PRKCH: variants seen among roughly 807,000 people sequenced by gnomAD.
PRKCH encodes protein kinase C eta type.
A neutral mutation model predicts 82.5 loss-of-function variants in PRKCH; 28 were observed. The ratio of observed to expected loss-of-function variants is 0.34; its 90% confidence interval spans 0.25 to 0.47. The LOEUF is 0.47. Ranked by LOEUF, PRKCH falls within the 20% of genes least tolerant of loss-of-function variation. The probability of loss-of-function intolerance (pLI) is 1.00; values close to 1 mark genes in which losing one functional copy is unlikely to be tolerated. For synonymous variants in PRKCH, 322 were observed against 327.4 expected, an observed-to-expected ratio of 0.98 and a Z score of 0.18; for missense variants, 705 against 881.8, an observed-to-expected ratio of 0.80 and a Z score of 2.54.
intron 12 of PRKCH, among the ~76,000 whole-genome samples, chr14:61,539,391 G>A (rs1479459981): frequency 2.6e-5 from 4 of 152,132 alleles, no homozygotes; most frequent in South Asian, 2.1e-4. Context: ...GCCCCTGCCC[G>A]CTAGAGGAAC....
chr14:61,491,402 T>A (rs1028902266), intron 10 of PRKCH, among the ~76,000 whole-genome samples: 1 of 152,172 alleles, frequency 6.6e-6, no homozygotes, highest in African/African-American at 2.4e-5. Flanking sequence ...ATGCCAGCCA[T>A]GGGAATGCTC....
chr14:61,464,536 A>G (rs1245313797), intron 9 of PRKCH, among the ~76,000 whole-genome samples: 1 of 152,088 alleles, frequency 6.6e-6, no homozygotes, highest in Non-Finnish European at 1.5e-5. Context: ...TATTTGTCCT[A>G]ATGCTCTCCT....
At chr14:61,207,135 G>C (rs1270863697) in intron 1 of PRKCH, among the ~76,000 whole-genome samples, 1 of 70,474 alleles carries the variant, frequency 1.4e-5, no homozygotes, top group African/African-American at 5.5e-5. Context: ...AAAAAAAAAA[G>C]ATGTACTGAC....
chr14:61,460,421 A>G (rs1332488956), intron 9 of PRKCH, among the ~76,000 whole-genome samples: 1 of 152,204 alleles, frequency 6.6e-6, no homozygotes, highest in Non-Finnish European at 1.5e-5. Flanking sequence ...GCTTGGTCAA[A>G]GGGTATATGC....
chr14:61,474,988 A>G (rs1885667613), intron 9 of PRKCH, among the ~76,000 whole-genome samples: 2 of 152,348 alleles, frequency 1.3e-5, no homozygotes, highest in South Asian at 4.1e-4. Context: ...TACTTCTCTA[A>G]CTGGGCAAAG....
chr14:61,203,131 T>C (rs1224406348), intron 1 of PRKCH, among the ~76,000 whole-genome samples: 3 of 152,112 alleles, frequency 2.0e-5, no homozygotes, highest in Non-Finnish European at 4.4e-5. Flanking sequence ...ACCTGTTCCT[T>C]CAGTTACTGA....
intron 1 of PRKCH, among the ~76,000 whole-genome samples, chr14:61,216,562 T>A (rs1166842805): frequency 2.0e-5 from 3 of 152,120 alleles, no homozygotes; most frequent in African/African-American, 7.2e-5. Context: ...AGGACAGAGA[T>A]GTTTGCAGAA....
chr14:61,362,707 G>A (rs139531735), intron 1 of PRKCH, among the ~76,000 whole-genome samples: 183 of 152,320 alleles, frequency 1.2e-3, no homozygotes, highest in African/African-American at 4.1e-3. Flanking sequence ...TATTGCTCAG[G>A]CCAGCACTCC....
intron 1 of PRKCH, among the ~76,000 whole-genome samples, chr14:61,295,263 GA>G (rs1045537892): frequency 1.3e-3 from 205 of 152,254 alleles, no homozygotes; most frequent in African/African-American, 4.7e-3. Context: ...AAATTCAAAA[GA>G]AAAAATATCA....
chr14:61,538,478 T>C (rs2043141428), intron 12 of PRKCH, among the ~76,000 whole-genome samples: 1 of 152,360 alleles, frequency 6.6e-6, no homozygotes, highest in East Asian at 1.9e-4. Context: ...TACTTCTTTT[T>C]CCCTCATTAA....
intron 9 of PRKCH, among the ~76,000 whole-genome samples, chr14:61,484,764 C>CTTTTTTTTTT (rs375542490): frequency 9.1e-5 from 11 of 121,202 alleles, no homozygotes; most frequent in African/African-American, 2.9e-4. Flanking sequence ...ATTTGGCTTC[C>CTTTTTTTTTT]TTTTTTTTTT....
rs747593644 is a variant in PRKCH at position 61,450,951 on chromosome 14, G to A, written c.812G>A (p.Arg271Gln). 17 of 1,614,022 alleles carry A rather than the reference G, an allele frequency of 1.1e-5. No individual in the cohort carries two copies. In the East Asian group the frequency reaches 1.1e-4, roughly 11 times the overall value. The change falls in exon 6 of 14, where the codon CGA (arginine) becomes CAA (glutamine). Residue 271 changes from arginine to glutamine, a missense_variant. Arg to Gln is a conservative substitution (Grantham distance 43). Around this residue, in one of 5 missense-constraint regions of PRKCH, gnomAD observed 238 missense variants for 258.1 expected, o/e 0.92. Coordinates refer to ENST00000332981, the MANE Select transcript of PRKCH (RefSeq NM_006255.5). ...GGCTCACTGCTCTGGGGAATAATGC[G>A]ACAAGGACTTCAGTGTAAAAGTGAG... ...HCGSLLWGIMRQGLQCKICKM... is the reference protein window; with the variant it reads ...HCGSLLWGIMQQGLQCKICKM...
intron 1 of PRKCH, among the ~76,000 whole-genome samples, chr14:61,340,972 CA>C (rs1251402503): frequency 6.6e-6 from 1 of 152,192 alleles, no homozygotes; most frequent in Non-Finnish European, 1.5e-5. Context: ...CCACAATTAC[CA>C]CACTCGTTTG....
At chr14:61,277,759 G>A (rs894694976) in intron 1 of PRKCH, 1 of 152,136 alleles carries the variant, frequency 6.6e-6, no homozygotes. Context: ...GGTTGATAAA[G>A]TATTGAGGAC....
chr14:61,339,622 CTTTT>C (rs757220300), intron 1 of PRKCH, among the ~76,000 whole-genome samples: 22 of 60,030 alleles, frequency 3.7e-4, no homozygotes, highest in Admixed American at 6.7e-4. Context: ...CAAGCCCGGC[CTTTT>C]TTTTTTTTTT....
At chr14:61,467,948 C>T (rs1885331741) in intron 9 of PRKCH, among the ~76,000 whole-genome samples, 1 of 152,116 alleles carries the variant, frequency 6.6e-6, no homozygotes, top group African/African-American at 2.4e-5. Flanking sequence ...AACAACTTGC[C>T]CCAGATCACA....
At chr14:61,283,073 T>C (rs763515291) in intron 1 of PRKCH, among the ~76,000 whole-genome samples, 3 of 151,920 alleles carry the variant, frequency 2.0e-5, no homozygotes, top group Non-Finnish European at 4.4e-5. Flanking sequence ...TCTCCCTCAG[T>C]TGTCCAGGCT....
At position 61,529,069 on chromosome 14, in the gene PRKCH, T is replaced by G; in HGVS notation, c.1434-6T>G. On this transcript the variant is annotated splice_region_variant and splice_polypyrimidine_tract_variant and intron_variant, in intron 10 of 13. Transcript: ENST00000332981. ...CCTATCTCGTGCTGCTCTTTGTATCTTTCAGAGATCTGAAACTGGACAATG... is the reference window on the plus strand; with the variant it reads ...CCTATCTCGTGCTGCTCTTTGTATCGTTCAGAGATCTGAAACTGGACAATG... The G allele has an allele frequency of 6.2e-7, 1 of 1,610,912 alleles. No individual in the cohort carries two copies. Among genetic ancestry groups the G allele is most frequent in the Non-Finnish European group, 8.5e-7 (1 of 1,178,400 alleles).
intron 1 of PRKCH, among the ~76,000 whole-genome samples, chr14:61,347,131 C>G (rs903835936): frequency 6.6e-6 from 1 of 152,108 alleles, no homozygotes; most frequent in Non-Finnish European, 1.5e-5. Flanking sequence ...ATAGATATTC[C>G]TAAAACTGTG....
Sources: gnomAD v4.1 joint callset for allele counts (sites outside exome capture counted in the v4.1 genomes callset) on GRCh38, gnomAD v4.1.1 for gene constraint, gnomAD v4.1.1 regional missense constraint, MANE v1.5 for transcripts, NCBI Gene and HGNC (gene_info 2026-07-23, HGNC 2026-07-21) for gene names.